CSMD1: variants seen among roughly 807,000 people sequenced by gnomAD.
The protein encoded by CSMD1 is CUB and sushi domain-containing protein 1.
A neutral mutation model predicts 417.5 loss-of-function variants in CSMD1; 213 were observed. That is an observed-to-expected ratio of 0.51 (90% CI 0.46 to 0.57). CSMD1 has a LOEUF of 0.57. Among genes scored for constraint, CSMD1 ranks in the 20% least tolerant of loss-of-function variants. The pLI is 0.00. For missense variants in CSMD1, 6,923 were observed against 4,529.7 expected, an observed-to-expected ratio of 1.53 and a Z score of -15.17; for synonymous variants, 2,862 against 1,736.8, an observed-to-expected ratio of 1.65 and a Z score of -16.11.
intron 2 of CSMD1, among the ~76,000 whole-genome samples, chr8:4,604,715 G>A (rs1182177192): frequency 6.6e-6 from 1 of 151,978 alleles, no homozygotes; most frequent in African/African-American, 2.4e-5. Context: ...GATGATACAT[G>A]GGCTTAATGG....
chr8:3,532,019 C>G (rs2117513292), intron 10 of CSMD1, among the ~76,000 whole-genome samples: 1 of 152,304 alleles, frequency 6.6e-6, no homozygotes. Context: ...CACACCTGGT[C>G]CTAAACAGTT....
At chr8:3,200,211 T>TA (rs199965761) in intron 32 of CSMD1, among the ~76,000 whole-genome samples, 1 of 152,088 alleles carries the variant, frequency 6.6e-6, no homozygotes, top group Non-Finnish European at 1.5e-5. Flanking sequence ...TGATTTTTTT[T>TA]AAATTAAAAG....
In CSMD1 at chr8:3,766,782, T is replaced by A. The variant is rs117744678; in HGVS notation, c.819-12740A>T. On this transcript the variant is annotated intron_variant, in intron 5 of 69. Transcript: ENST00000635120. ...AATATCATTAAAAAACACATTTTTC[T>A]CCTTAATCTTGGGATAAGAACAAGT... Among the ~76,000 whole-genome samples, 867 of 152,266 alleles carry A rather than the reference T, an allele frequency of 5.7e-3. 5 individuals are homozygous for A. Among genetic ancestry groups the A allele is most frequent in the Middle Eastern group, 0.034 (10 of 294 alleles).
intron 5 of CSMD1, among the ~76,000 whole-genome samples, chr8:3,941,086 A>T (rs1458086840): frequency 6.6e-6 from 1 of 152,114 alleles, no homozygotes; most frequent in Non-Finnish European, 1.5e-5. Flanking sequence ...CCATCACCTT[A>T]AAATTTATCA....
intron 1 of CSMD1, among the ~76,000 whole-genome samples, chr8:4,791,056 TAGGGAGAGAGAC>T (rs1403775844): frequency 1.4e-5 from 2 of 148,022 alleles, no homozygotes; most frequent in South Asian, 4.2e-4. Context: ...CACAAGCTAG[TAGGGAGAGAGAC>T]GGTGAGAGAG....
chr8:4,549,547 A>G (rs1174014665), intron 2 of CSMD1, among the ~76,000 whole-genome samples: 1 of 152,092 alleles, frequency 6.6e-6, no homozygotes, highest in African/African-American at 2.4e-5. Context: ...AAAGACAGTC[A>G]TGTGCACAGC....
intron 1 of CSMD1, among the ~76,000 whole-genome samples, chr8:4,853,824 TG>T (rs1340105057): frequency 6.6e-6 from 1 of 152,202 alleles, no homozygotes; most frequent in African/African-American, 2.4e-5. Context: ...ACCAAAGCCT[TG>T]GGAGCCCACT....
chr8:4,270,815 C>A (rs571137887), intron 3 of CSMD1, among the ~76,000 whole-genome samples: 2 of 152,274 alleles, frequency 1.3e-5, no homozygotes, highest in African/African-American at 4.8e-5. Flanking sequence ...AAGTTCCCTG[C>A]CGCCCACCAC....
Position 4,880,019 on chromosome 8 carries a change from C to G in CSMD1, c.85+114313G>C, listed in dbSNP as rs75008021. ...GAATCATCCATTGGCTGATTTATTT[C>G]TGGCTTTAAAAGTATTTTTGGCTTT... On this transcript the variant is annotated intron_variant, in intron 1 of 69. Coordinates refer to ENST00000635120, the MANE Select transcript of CSMD1 (RefSeq NM_033225.6). Among the ~76,000 whole-genome samples the G allele has an allele frequency of 1.2e-3, 175 of 152,146 alleles. 2 individuals are homozygous for G. The highest frequency in any genetic ancestry group is 3.9e-3 in the African/African-American group (161 of 41,458).
chr8:4,812,604 T>TA (rs34790418), intron 1 of CSMD1, among the ~76,000 whole-genome samples: 5,881 of 152,044 alleles, frequency 0.039, 279 homozygotes, highest in East Asian at 0.24. Context: ...AAGCTTTTTT[T>TA]AAAAAAACCT....
intron 5 of CSMD1, among the ~76,000 whole-genome samples, chr8:3,885,039 T>C (rs1468039022): frequency 6.6e-6 from 1 of 151,886 alleles, no homozygotes; most frequent in Admixed American, 6.6e-5. Flanking sequence ...TAGTTTCTAA[T>C]GGACCTAGTG....
Position 4,398,402 on chromosome 8 carries a change from T to C in CSMD1, c.415+21551A>G, listed in dbSNP as rs77709338. Among the ~76,000 whole-genome samples the C allele has an allele frequency of 3.3e-4, 48 of 144,594 alleles. 1 individual carries two copies. Among genetic ancestry groups the C allele is most frequent in the African/African-American group, 1.2e-3 (46 of 39,050 alleles). The allele number at this position is 144,594 out of a possible 152,430, so 94.9% of individuals were successfully genotyped here. A position where few individuals can be genotyped will look rare whatever the true frequency, so the allele number is the denominator to read the frequency against. On this transcript the variant is annotated intron_variant, in intron 3 of 69. Coordinates refer to ENST00000635120, the MANE Select transcript of CSMD1 (RefSeq NM_033225.6). ...TGCTGCAACTTCTTTTTTTTTTTTT[T>C]TTTTTTGTGAGATAGAGTCTCACTC... is the stretch of plus-strand genomic sequence containing the variant.
intron 5 of CSMD1, among the ~76,000 whole-genome samples, chr8:3,958,596 A>C (rs1210554169): frequency 6.6e-6 from 1 of 152,160 alleles, no homozygotes; most frequent in Non-Finnish European, 1.5e-5. Context: ...ATCCATTCAC[A>C]TACCCGCATT....
chr8:3,449,885 T>C (rs1166971540), intron 12 of CSMD1, among the ~76,000 whole-genome samples: 1 of 152,188 alleles, frequency 6.6e-6, no homozygotes, highest in African/African-American at 2.4e-5. Context: ...AGTTTCTAAT[T>C]ATTTCAGACA....
Position 4,895,026 on chromosome 8 carries a change from G to C in CSMD1, c.85+99306C>G, listed in dbSNP as rs79211066. Among the ~76,000 whole-genome samples, 999 of 152,232 alleles carry C rather than the reference G, an allele frequency of 6.6e-3. 9 individuals carry two copies. Among genetic ancestry groups the C allele is most frequent in the Middle Eastern group, 0.034 (10 of 294 alleles). Reference sequence around the variant, plus strand: ...AGTAACTTCACTTCTCTTGACCTGAGTTTTTTCATTGATAAGAATATCTGT... The same window carrying C: ...AGTAACTTCACTTCTCTTGACCTGACTTTTTTCATTGATAAGAATATCTGT... On this transcript the variant is annotated intron_variant, in intron 1 of 69. Coordinates refer to ENST00000635120, the MANE Select transcript of CSMD1 (RefSeq NM_033225.6).
At chr8:3,837,301 G>T (rs1227669587) in intron 5 of CSMD1, among the ~76,000 whole-genome samples, 1 of 152,124 alleles carries the variant, frequency 6.6e-6, no homozygotes, top group Admixed American at 6.6e-5. Context: ...AACAACAGAA[G>T]AAAATTAGAT....
chr8:3,962,988 G>C (rs182393542), intron 5 of CSMD1, among the ~76,000 whole-genome samples: 1 of 152,284 alleles, frequency 6.6e-6, no homozygotes, highest in East Asian at 1.9e-4. Context: ...CCAGGCTGGA[G>C]TGCGGTGGAG....
chr8:3,149,605 G>C (rs756910460), intron 40 of CSMD1, among the ~76,000 whole-genome samples: 13 of 152,136 alleles, frequency 8.5e-5, no homozygotes, highest in Non-Finnish European at 1.8e-4. Flanking sequence ...AGCCTCCCAA[G>C]TAGTTGGGAT....
At chr8:3,511,933 G>A (rs984817251) in intron 10 of CSMD1, among the ~76,000 whole-genome samples, 1 of 150,632 alleles carries the variant, frequency 6.6e-6, no homozygotes, top group African/African-American at 2.4e-5. Flanking sequence ...GTTGTTATAT[G>A]ATGATTTTTG....
Sources: gnomAD v4.1 joint callset for allele counts (sites outside exome capture counted in the v4.1 genomes callset) on GRCh38, gnomAD v4.1.1 for gene constraint, MANE v1.5 for transcripts, NCBI Gene and HGNC (gene_info 2026-07-23, HGNC 2026-07-21) for gene names.